Variants in DECR1 observed in about 807,000 individuals in gnomAD.
The protein encoded by DECR1 is 2,4-dienoyl-CoA reductase [(3E)-enoyl-CoA-producing], mitochondrial.
A neutral mutation model predicts 38.8 loss-of-function variants in DECR1; 44 were observed. The observed-to-expected ratio is 1.13, with a 90% CI of 0.89 to 1.46. DECR1 has a LOEUF of 1.46. Among genes scored for constraint, DECR1 ranks in the 40% most tolerant of loss-of-function variants. The pLI, the probability that DECR1 is intolerant of heterozygous loss-of-function variation, is 0.00. For missense variants in DECR1, 428 were observed against 405.5 expected (o/e 1.06, Z -0.48); for synonymous variants, 148 against 135.2 (o/e 1.09, Z -0.66).
intron 8 of DECR1, among the ~76,000 whole-genome samples, chr8:90,049,605 G>C (rs1043479105): frequency 6.6e-6 from 1 of 152,104 alleles, no homozygotes; most frequent in Non-Finnish European, 1.5e-5. Flanking sequence ...CACTGCCCAA[G>C]GTAATTTATA....
At chr8:90,045,539 ACTGGGTGGAGC>A (rs1813876154) in intron 8 of DECR1, among the ~76,000 whole-genome samples, 1 of 152,148 alleles carries the variant, frequency 6.6e-6, no homozygotes, top group Admixed American at 6.5e-5. Flanking sequence ...GGAAGCTCAA[ACTGGGTGGAGC>A]CCACCACAGC....
At chr8:90,005,523 C>A in intron 1 of DECR1, 1 of 438,680 alleles carries the variant, frequency 2.3e-6, no homozygotes, top group Non-Finnish European at 4.6e-6. Flanking sequence ...GGCCTATCAG[C>A]TGGATCTCCC....
In DECR1 at chr8:90,006,581, C is replaced by T. The variant is rs900562810; in HGVS notation, c.69+5020C>T. ...TGTTGAGAGGTGATGGTGGCCTCAA[C>T]GAGGGCATGCATTGGGTTTGGAGAC... On this transcript the variant is annotated intron_variant, in intron 1 of 9. Coordinates refer to ENST00000220764, the MANE Select transcript of DECR1 (RefSeq NM_001359.2). Among the ~76,000 whole-genome samples, 6 of 152,094 alleles carry T rather than the reference C, an allele frequency of 3.9e-5. No individual in the cohort carries two copies. In the East Asian group the frequency reaches 7.7e-4, roughly 20 times the overall value.
intron 8 of DECR1, among the ~76,000 whole-genome samples, chr8:90,049,982 A>G (rs149008530): frequency 0.069 from 10,440 of 152,288 alleles, 1,085 homozygotes; most frequent in African/African-American, 0.22. Context: ...ATATGTAGAA[A>G]GCTGAAACTG....
rs113276376 is a variant in DECR1, at chr8:90,049,446, A to G, written c.886-2231A>G. ...TTCACAATTGCTTCAAAGAGAATAAAATACCTAGGAATCCAACTTACAAGG... is the reference window on the plus strand; with the variant it reads ...TTCACAATTGCTTCAAAGAGAATAAGATACCTAGGAATCCAACTTACAAGG... On this transcript the variant is annotated intron_variant, in intron 8 of 9. Coordinates refer to ENST00000220764, the MANE Select transcript of DECR1 (RefSeq NM_001359.2). Among the ~76,000 whole-genome samples the G allele has an allele frequency of 2.5e-3, 383 of 152,310 alleles. 3 individuals carry two copies. The highest frequency in any genetic ancestry group is 8.1e-3 in the African/African-American group (335 of 41,546).
At chr8:90,045,813 A>G (rs907113854) in intron 8 of DECR1, among the ~76,000 whole-genome samples, 1 of 152,178 alleles carries the variant, frequency 6.6e-6, no homozygotes, top group African/African-American at 2.4e-5. Context: ...TCATACAGCC[A>G]GGTGCCCCTC....
At chr8:90,008,292 G>C (rs996998855) in intron 1 of DECR1, among the ~76,000 whole-genome samples, 2 of 152,198 alleles carry the variant, frequency 1.3e-5, no homozygotes, top group African/African-American at 2.4e-5. Context: ...TTACTTGCCA[G>C]GTCTGGCTGG....
intron 5 of DECR1, among the ~76,000 whole-genome samples, chr8:90,032,346 G>C (rs1412279959): frequency 6.6e-6 from 1 of 152,088 alleles, no homozygotes; most frequent in African/African-American, 2.4e-5. Flanking sequence ...CTCATGCTTA[G>C]GGACTGACTT....
chr8:90,039,688 A>T (rs374699701), intron 6 of DECR1, among the ~76,000 whole-genome samples: 35 of 152,302 alleles, frequency 2.3e-4, no homozygotes, highest in African/African-American at 8.2e-4. Flanking sequence ...TTACCTTTTC[A>T]GAGAAGCCTT....
chr8:90,021,631 A>G (rs1813167553), intron 5 of DECR1, among the ~76,000 whole-genome samples: 1 of 152,222 alleles, frequency 6.6e-6, no homozygotes, highest in Non-Finnish European at 1.5e-5. Context: ...GGTTAGTGAC[A>G]ACAAGATGGA....
intron 6 of DECR1, among the ~76,000 whole-genome samples, chr8:90,037,444 A>G (rs1176831552): frequency 2.7e-5 from 4 of 147,818 alleles, no homozygotes; most frequent in African/African-American, 7.4e-5. Context: ...GCAGAGTATA[A>G]CTGCTTTTTT....
intron 1 of DECR1, among the ~76,000 whole-genome samples, chr8:90,010,172 A>G (rs563531069): frequency 6.6e-6 from 1 of 152,326 alleles, no homozygotes; most frequent in South Asian, 2.1e-4. Flanking sequence ...GCCCTGCTAT[A>G]AGTTAAGGAG....
intron 7 of DECR1, among the ~76,000 whole-genome samples, chr8:90,043,400 T>C (rs1813811962): frequency 6.6e-6 from 1 of 152,210 alleles, no homozygotes; most frequent in South Asian, 2.1e-4. Flanking sequence ...CAACTTGTAA[T>C]TATCTCTAAT....
chr8:90,026,051 C>G (rs989512020), intron 5 of DECR1, among the ~76,000 whole-genome samples: 3 of 152,154 alleles, frequency 2.0e-5, no homozygotes, highest in Non-Finnish European at 4.4e-5. Context: ...GTTGAACCAG[C>G]CTTGCATCCC....
At chr8:90,017,674 C>T (rs1813044152) in intron 2 of DECR1, among the ~76,000 whole-genome samples, 2 of 152,098 alleles carry the variant, frequency 1.3e-5, no homozygotes, top group African/African-American at 2.4e-5. Context: ...CCTGTAATCC[C>T]AGCTACTGGG....
At chr8:90,013,029 T>TA (rs1241949663) in intron 1 of DECR1, among the ~76,000 whole-genome samples, 1 of 152,216 alleles carries the variant, frequency 6.6e-6, no homozygotes, top group Non-Finnish European at 1.5e-5. Flanking sequence ...GAGGTGGGGC[T>TA]AGGAAAGTAT....
In DECR1 at chr8:90,027,782, A is replaced by T. The variant is rs191923419; in HGVS notation, c.565+6726A>T. Reference sequence around the variant, plus strand: ...GATTATAGTTTTTTTTTTAAAAAAAAATCGTGAATAAGTATTGAATTTGTT... The same window carrying T: ...GATTATAGTTTTTTTTTTAAAAAAATATCGTGAATAAGTATTGAATTTGTT... On this transcript the variant is annotated intron_variant, in intron 5 of 9. Transcript: ENST00000220764. Among the ~76,000 whole-genome samples, 157 of 152,182 alleles carry T rather than the reference A, an allele frequency of 1.0e-3. 1 individual carries two copies. The highest frequency in any genetic ancestry group is 2.0e-3 in the Non-Finnish European group (136 of 67,982).
chr8:90,051,237 G>A (rs559335699), intron 8 of DECR1, among the ~76,000 whole-genome samples: 1 of 151,972 alleles, frequency 6.6e-6, no homozygotes, highest in South Asian at 2.1e-4. Context: ...GGAGGGCTCA[G>A]GAAACTTACA....
intron 5 of DECR1, among the ~76,000 whole-genome samples, chr8:90,035,816 C>A (rs1813605846): frequency 6.6e-6 from 1 of 151,956 alleles, no homozygotes; most frequent in Admixed American, 6.6e-5. Flanking sequence ...TTTTGGAAAG[C>A]TTCTAAATTA....
Sources: gnomAD v4.1 joint callset for allele counts (sites outside exome capture counted in the v4.1 genomes callset) on GRCh38, gnomAD v4.1.1 for gene constraint, MANE v1.5 for transcripts, NCBI Gene and HGNC (gene_info 2026-07-23, HGNC 2026-07-21) for gene names.